The following NEO1 variants were observed in gnomAD, a reference collection of about 807,000 sequenced individuals.
NEO1 encodes the protein neogenin.
NEO1 carries 63 observed loss-of-function variants against 159.7 expected under a neutral mutation model. That is an observed-to-expected ratio of 0.39 (90% CI 0.32 to 0.49). The LOEUF is 0.49. NEO1 is among the 20% of genes least tolerant of loss of function. The probability of loss-of-function intolerance (pLI) is 0.85; values close to 1 mark genes in which losing one functional copy is unlikely to be tolerated. For synonymous variants in NEO1, 633 were observed against 662.0 expected, an observed-to-expected ratio of 0.96 and a Z score of 0.67; for missense variants, 1,615 against 1,831.0, an observed-to-expected ratio of 0.88 and a Z score of 2.15.
At chr15:73,234,439 T>A (rs1401549352) in intron 7 of NEO1, among the ~76,000 whole-genome samples, 1 of 152,174 alleles carries the variant, frequency 6.6e-6, no homozygotes, top group African/African-American at 2.4e-5. Flanking sequence ...CTAACCTTTA[T>A]CTCAGCATCT....
At chr15:73,212,085 C>T (rs527362972) in intron 7 of NEO1, among the ~76,000 whole-genome samples, 24 of 152,262 alleles carry the variant, frequency 1.6e-4, no homozygotes, top group African/African-American at 4.6e-4. Context: ...TATTTGGTAA[C>T]GTTAACACTG....
intron 7 of NEO1, among the ~76,000 whole-genome samples, 168 bp downstream of exon 7, chr15:73,178,595 T>C (rs2035415395): frequency 6.6e-6 from 1 of 152,176 alleles, no homozygotes; most frequent in Non-Finnish European, 1.5e-5. Flanking sequence ...TAAAATTACC[T>C]AGAAGCACAA....
At position 73,077,052 on chromosome 15, in the gene NEO1, T is replaced by A. The variant is rs370231274; in HGVS notation, c.130+24247T>A. Among the ~76,000 whole-genome samples, 62 of 152,248 alleles carry A rather than the reference T, an allele frequency of 4.1e-4. No homozygotes were observed. The East Asian group carries it at 7.3e-3, about 18-fold the overall frequency. On this transcript the variant is annotated intron_variant, in intron 1 of 28. Transcript: ENST00000261908. ...AGCAATTTTTTTAAATTAATTAATT[T>A]ATTTATTTTGAGACAGAGTCTCTCT...
chr15:73,089,701 A>G (rs532364976), intron 1 of NEO1, among the ~76,000 whole-genome samples: 1 of 152,170 alleles, frequency 6.6e-6, no homozygotes, highest in African/African-American at 2.4e-5. Context: ...TATTGAAGGG[A>G]ATATAGATTG....
Position 73,106,023 on chromosome 15 carries a change from T to C in NEO1, c.131-10517T>C, listed in dbSNP as rs537532952. On this transcript the variant is annotated intron_variant, in intron 1 of 28. Coordinates refer to ENST00000261908, the MANE Select transcript of NEO1 (RefSeq NM_002499.4). Reference sequence around the variant, plus strand: ...AATGAATCAGTTATTACTGAACTTTTAATGAAAAGTTTCTAAAAAGTTTCC... The same window carrying C: ...AATGAATCAGTTATTACTGAACTTTCAATGAAAAGTTTCTAAAAAGTTTCC... 3.9e-5 allele frequency among the ~76,000 whole-genome samples: 6 copies of C among 152,290 alleles called. No homozygotes were observed. In the South Asian group the frequency reaches 1.2e-3, roughly 32 times the overall value.
chr15:73,169,532 C>A (rs1268335757), intron 5 of NEO1, among the ~76,000 whole-genome samples: 1 of 151,466 alleles, frequency 6.6e-6, no homozygotes, highest in Non-Finnish European at 1.5e-5. Context: ...TTTTATAATT[C>A]ATGAAAGGGA....
intron 26 of NEO1, among the ~76,000 whole-genome samples, chr15:73,297,645 T>C (rs1487775833): frequency 6.6e-6 from 1 of 151,748 alleles, no homozygotes; most frequent in African/African-American, 2.4e-5. Context: ...CCAGAACAAC[T>C]CTGCCCCTTC....
intron 5 of NEO1, among the ~76,000 whole-genome samples, chr15:73,140,523 TC>T (rs1179085003): frequency 6.6e-6 from 1 of 152,130 alleles, no homozygotes; most frequent in African/African-American, 2.4e-5. Flanking sequence ...GCCGCTGCAT[TC>T]CAGTCTGGGT....
chr15:73,274,078 A>G (rs2041296213), intron 20 of NEO1, 73 bp downstream of exon 20: 3 of 1,382,056 alleles, frequency 2.2e-6, no homozygotes, highest in Admixed American at 2.0e-5. Context: ...TCACTTGAGC[A>G]TATAGAGTCT....
rs201389363 is a variant in NEO1, at chr15:73,224,716, A to AT, written c.1292-11625dup. On this transcript the variant is annotated intron_variant, in intron 7 of 28. Transcript: ENST00000261908. ...TATTTCTCTCTTCACTTCTTGTATC[A>AT]TTTTTTGGATTTCCTTGCATTGAGC... Among the ~76,000 whole-genome samples the AT allele has an allele frequency of 1.6e-4, 25 of 151,886 alleles. 1 individual carries two copies. The East Asian group carries it at 4.7e-3, about 28-fold the overall frequency.
At chr15:73,110,752 A>C (rs746506918) in intron 1 of NEO1, among the ~76,000 whole-genome samples, 1 of 152,202 alleles carries the variant, frequency 6.6e-6, no homozygotes, top group Non-Finnish European at 1.5e-5. Context: ...AATGGAATCC[A>C]GTGACTCTGG....
Position 73,093,994 on chromosome 15 carries a change from T to G in NEO1, c.131-22546T>G, listed in dbSNP as rs1428119991. ...TTGGGCACTACAACATGCTCCAGAC[T>G]CATCATTTGTATTTCTTGCCTAATT... is the stretch of plus-strand genomic sequence containing the variant. On this transcript the variant is annotated intron_variant, in intron 1 of 28. Coordinates refer to ENST00000261908, the MANE Select transcript of NEO1 (RefSeq NM_002499.4). 2.6e-5 allele frequency among the ~76,000 whole-genome samples: 4 copies of G among 152,198 alleles called. No individual in the cohort carries two copies. The East Asian group carries it at 7.7e-4, about 29-fold the overall frequency.
chr15:73,179,326 G>A (rs769180223), intron 7 of NEO1, among the ~76,000 whole-genome samples: 1 of 152,300 alleles, frequency 6.6e-6, no homozygotes, highest in Admixed American at 6.5e-5. Flanking sequence ...TTACGGATGA[G>A]ATCCAGACCC....
At chr15:73,170,797 C>A (rs1440689887) in intron 5 of NEO1, among the ~76,000 whole-genome samples, 1 of 152,032 alleles carries the variant, frequency 6.6e-6, no homozygotes, top group African/African-American at 2.4e-5. Context: ...GTGGGGTTAT[C>A]CTAATAATTG....
At chr15:73,199,160 G>T (rs1470960998) in intron 7 of NEO1, among the ~76,000 whole-genome samples, 1 of 150,620 alleles carries the variant, frequency 6.6e-6, no homozygotes, top group Admixed American at 6.6e-5. Context: ...GAGGTATTTT[G>T]TAGAATATTG....
At chr15:73,087,098 A>G (rs1595941969) in intron 1 of NEO1, among the ~76,000 whole-genome samples, 1 of 151,906 alleles carries the variant, frequency 6.6e-6, no homozygotes, top group African/African-American at 2.4e-5. Context: ...GGGAGAAAGC[A>G]CTCTGTCTTT....
At chr15:73,055,992 C>T (rs1567091785) in intron 1 of NEO1, among the ~76,000 whole-genome samples, 1 of 152,218 alleles carries the variant, frequency 6.6e-6, no homozygotes, top group Non-Finnish European at 1.5e-5. Flanking sequence ...TTTGTCTGTA[C>T]TGTTACCCTC....
At chr15:73,126,630 A>G in intron 4 of NEO1, 60 bp downstream of exon 4, 4 of 1,491,512 alleles carry the variant, frequency 2.7e-6, no homozygotes, top group Non-Finnish European at 3.6e-6. Flanking sequence ...GTCATATCCC[A>G]TTTGGGACTA....
At chr15:73,133,089 A>C (rs560815201) in intron 4 of NEO1, among the ~76,000 whole-genome samples, 114 of 152,352 alleles carry the variant, frequency 7.5e-4, no homozygotes, top group African/African-American at 2.5e-3. Flanking sequence ...ATGCATGTTT[A>C]TAGCAGCACA....
Sources: gnomAD v4.1 joint callset for allele counts (sites outside exome capture counted in the v4.1 genomes callset) on GRCh38, gnomAD v4.1.1 for gene constraint, MANE v1.5 for transcripts, NCBI Gene and HGNC (gene_info 2026-07-23, HGNC 2026-07-21) for gene names.